Variants in SSBP2 observed in about 807,000 individuals in gnomAD.
The protein encoded by SSBP2 is single-stranded DNA-binding protein 2.
SSBP2 carries 17 observed loss-of-function variants against 61.8 expected under a neutral mutation model. The ratio of observed to expected loss-of-function variants is 0.28; its 90% CI spans 0.19 to 0.41. SSBP2 has a LOEUF of 0.41. Among genes scored for constraint, SSBP2 ranks in the 10% least tolerant of loss-of-function variants. The pLI is 1.00. For missense variants in SSBP2, 310 were observed against 458.7 expected, an observed-to-expected ratio of 0.68 and a Z score of 2.96; for synonymous variants, 139 against 141.3, an observed-to-expected ratio of 0.98 and a Z score of 0.12.
chr5:81,662,979 T>C (rs1750820663), intron 1 of SSBP2, among the ~76,000 whole-genome samples: 1 of 152,162 alleles, frequency 6.6e-6, no homozygotes, highest in Non-Finnish European at 1.5e-5. Context: ...GTTACTTAAG[T>C]GTCTAATTAC....
At chr5:81,604,018 G>T (rs183218857) in intron 4 of SSBP2, among the ~76,000 whole-genome samples, 1 of 152,138 alleles carries the variant, frequency 6.6e-6, no homozygotes, top group African/African-American at 2.4e-5. Context: ...TATATTAAAC[G>T]CTGTACTACT....
rs189869432 is a variant in SSBP2, at chr5:81,479,038, A to C, written c.433-4476T>G. ...TTTCAAAATGAGTGTTTTTATCTAA[A>C]TTTAACTTTTTACTCATCACTGTTT... On this transcript the variant is annotated intron_variant, in intron 6 of 16. Coordinates refer to ENST00000320672, the MANE Select transcript of SSBP2 (RefSeq NM_012446.5). Among the ~76,000 whole-genome samples, 69 of 152,290 alleles carry C rather than the reference A, an allele frequency of 4.5e-4. 1 individual carries two copies. Among genetic ancestry groups the C allele is most frequent in the African/African-American group, 1.5e-3 (63 of 41,560 alleles).
At chr5:81,600,479 T>C (rs1744244600) in intron 4 of SSBP2, among the ~76,000 whole-genome samples, 1 of 150,396 alleles carries the variant, frequency 6.6e-6, no homozygotes, top group Non-Finnish European at 1.5e-5. Context: ...GAAGAATCAC[T>C]TGAACCCAGG....
chr5:81,635,837 G>A (rs752850770), intron 3 of SSBP2, among the ~76,000 whole-genome samples: 3 of 152,088 alleles, frequency 2.0e-5, no homozygotes, highest in Non-Finnish European at 4.4e-5. Context: ...ACCCGCCTCG[G>A]CCTCCCAAAG....
At chr5:81,718,702 T>C (rs538831523) in intron 1 of SSBP2, among the ~76,000 whole-genome samples, 1 of 152,322 alleles carries the variant, frequency 6.6e-6, no homozygotes, top group East Asian at 1.9e-4. Context: ...ATTTCAGTTA[T>C]TCCCAGGAGT....
In SSBP2 at chr5:81,612,877, T is replaced by C. The variant is rs544570820; in HGVS notation, c.282+2596A>G. Among the ~76,000 whole-genome samples the C allele has an allele frequency of 3.3e-5, 5 of 152,158 alleles. No homozygotes were observed. In the East Asian group the frequency reaches 9.6e-4, roughly 29 times the overall value. The stretch of plus-strand genomic sequence containing the variant: ...CTAGAATTTTACCAAAATCTTATTG[T>C]TTGTTCCTGTGTTTTCCATTTTCTT... On this transcript the variant is annotated intron_variant, in intron 4 of 16. Transcript: ENST00000320672.
chr5:81,611,485 A>G (rs185767126), intron 4 of SSBP2, among the ~76,000 whole-genome samples: 7 of 152,258 alleles, frequency 4.6e-5, no homozygotes, highest in Admixed American at 2.6e-4. Context: ...TGATTTCTAC[A>G]TCTCCCATAG....
At chr5:81,527,922 T>A (rs183222112) in intron 4 of SSBP2, among the ~76,000 whole-genome samples, 2 of 151,156 alleles carry the variant, frequency 1.3e-5, no homozygotes, top group Admixed American at 1.3e-4. Flanking sequence ...AAAAAAAGTG[T>A]TCTAATTTAA....
intron 1 of SSBP2, among the ~76,000 whole-genome samples, chr5:81,684,399 T>C (rs1201579052): frequency 6.6e-6 from 1 of 152,124 alleles, no homozygotes; most frequent in Non-Finnish European, 1.5e-5. Context: ...AAGGCAAAAC[T>C]ATGGATACAG....
chr5:81,535,381 T>C (rs1329179562), intron 4 of SSBP2, among the ~76,000 whole-genome samples: 2 of 152,104 alleles, frequency 1.3e-5, no homozygotes, highest in African/African-American at 4.8e-5. Context: ...ATAGATTCAA[T>C]ACAATCCCAA....
At chr5:81,588,700 G>A (rs1292549272) in intron 4 of SSBP2, among the ~76,000 whole-genome samples, 2 of 152,086 alleles carry the variant, frequency 1.3e-5, no homozygotes, top group African/African-American at 4.8e-5. Flanking sequence ...TCATGAAACA[G>A]CTATAGAGTC....
At chr5:81,558,551 A>C (rs1772783681) in intron 4 of SSBP2, among the ~76,000 whole-genome samples, 1 of 152,148 alleles carries the variant, frequency 6.6e-6, no homozygotes, top group South Asian at 2.1e-4. Context: ...ATGTTGGCAA[A>C]ATGTAAAATT....
intron 1 of SSBP2, among the ~76,000 whole-genome samples, chr5:81,661,206 G>T (rs1407789272): frequency 1.3e-5 from 2 of 152,126 alleles, no homozygotes; most frequent in African/African-American, 4.8e-5. Context: ...TCTTGTTAAA[G>T]GTTGAATAGT....
intron 12 of SSBP2, among the ~76,000 whole-genome samples, chr5:81,443,645 C>T (rs563995908): frequency 6.6e-6 from 1 of 152,310 alleles, no homozygotes; most frequent in African/African-American, 2.4e-5. Context: ...TCACTGCAAC[C>T]TCCGCCTCCC....
chr5:81,586,319 T>C (rs1304705226), intron 4 of SSBP2, among the ~76,000 whole-genome samples: 5 of 152,198 alleles, frequency 3.3e-5, no homozygotes, highest in Non-Finnish European at 7.3e-5. Flanking sequence ...TTGTTATCTA[T>C]TGTCTTTTTG....
At chr5:81,747,424 C>A (rs999944503) in intron 1 of SSBP2, among the ~76,000 whole-genome samples, 1 of 151,970 alleles carries the variant, frequency 6.6e-6, no homozygotes, top group African/African-American at 2.4e-5. Context: ...AAGCAACTGT[C>A]TTGTAGATTT....
At chr5:81,512,959 G>A (rs993916699) in intron 5 of SSBP2, among the ~76,000 whole-genome samples, 6 of 151,904 alleles carry the variant, frequency 3.9e-5, no homozygotes, top group Non-Finnish European at 7.4e-5. Context: ...AATGAATTTC[G>A]AAATTTATGT....
At chr5:81,668,183 A>G (rs914812734) in intron 1 of SSBP2, among the ~76,000 whole-genome samples, 4 of 151,096 alleles carry the variant, frequency 2.6e-5, no homozygotes, top group African/African-American at 9.7e-5. Flanking sequence ...AATGCAAACC[A>G]ATAAATATAA....
intron 4 of SSBP2, among the ~76,000 whole-genome samples, chr5:81,540,364 G>A (rs577461222): frequency 2.0e-5 from 3 of 152,170 alleles, no homozygotes; most frequent in Non-Finnish European, 4.4e-5. Context: ...TACCAACAGT[G>A]TAAAAGCGTT....
Sources: gnomAD v4.1 joint callset for allele counts (sites outside exome capture counted in the v4.1 genomes callset) on GRCh38, gnomAD v4.1.1 for gene constraint, MANE v1.5 for transcripts, NCBI Gene and HGNC (gene_info 2026-07-23, HGNC 2026-07-21) for gene names.